TTC29: variants seen among roughly 807,000 people sequenced by gnomAD.
TTC29 encodes the protein tetratricopeptide repeat domain 29.
A neutral mutation model predicts 58.1 loss-of-function variants in TTC29; 49 were observed. The ratio of observed to expected loss-of-function variants is 0.84; its 90% CI spans 0.67 to 1.07. The LOEUF (loss-of-function observed/expected upper bound fraction) is 1.07, where lower values mean the gene tolerates loss of function less well. TTC29 is among the 50% of genes least tolerant of loss of function. TTC29 has a pLI of 0.00. For missense variants in TTC29, 582 were observed against 555.6 expected (o/e 1.05, Z -0.48); for synonymous variants, 209 against 196.8 (o/e 1.06, Z -0.52).
intron 8 of TTC29, among the ~76,000 whole-genome samples, chr4:146,860,062 G>A (rs754076685): frequency 3.9e-5 from 6 of 152,134 alleles, no homozygotes; most frequent in Non-Finnish European, 5.9e-5. Flanking sequence ...ATTAGTTTTC[G>A]GTTTGTCAGT....
chr4:146,749,445 G>C (rs1194932246), intron 11 of TTC29, among the ~76,000 whole-genome samples: 1 of 152,050 alleles, frequency 6.6e-6, no homozygotes, highest in African/African-American at 2.4e-5. Context: ...TAAAGTTGAA[G>C]ATAGGTCTTC....
At chr4:146,848,855 A>G (rs1729340942) in intron 8 of TTC29, among the ~76,000 whole-genome samples, 1 of 152,198 alleles carries the variant, frequency 6.6e-6, no homozygotes, top group Non-Finnish European at 1.5e-5. Flanking sequence ...GAAAGTTGGC[A>G]TCACATCAGT....
At chr4:146,721,455 T>G (rs947932825) in intron 11 of TTC29, among the ~76,000 whole-genome samples, 1 of 152,214 alleles carries the variant, frequency 6.6e-6, no homozygotes, top group African/African-American at 2.4e-5. Context: ...AACTTTTCTC[T>G]TTTGAAAACT....
chr4:146,882,242 C>T (rs1731677354), intron 6 of TTC29, among the ~76,000 whole-genome samples: 1 of 152,124 alleles, frequency 6.6e-6, no homozygotes, highest in South Asian at 2.1e-4. Context: ...TCTGACTGCT[C>T]TTGGCCAATA....
chr4:146,860,741 C>T (rs1561196863), intron 8 of TTC29, among the ~76,000 whole-genome samples: 2 of 152,126 alleles, frequency 1.3e-5, no homozygotes, highest in African/African-American at 4.8e-5. Context: ...TGACCACCAC[C>T]AACAAACCGT....
At chr4:146,820,571 C>G (rs1037998564) in intron 9 of TTC29, among the ~76,000 whole-genome samples, 1 of 151,856 alleles carries the variant, frequency 6.6e-6, no homozygotes, top group Non-Finnish European at 1.5e-5. Flanking sequence ...AAATATATAC[C>G]CAAGTGAAGC....
At chr4:146,940,952 T>C (rs751741013) in intron 2 of TTC29, among the ~76,000 whole-genome samples, 6 of 152,208 alleles carry the variant, frequency 3.9e-5, no homozygotes, top group South Asian at 2.1e-4. Flanking sequence ...AGTTTCATTA[T>C]AATAAAAGAA....
chr4:146,845,947 C>CTG (rs1729141848), intron 8 of TTC29, among the ~76,000 whole-genome samples: 1 of 152,066 alleles, frequency 6.6e-6, no homozygotes, highest in African/African-American at 2.4e-5. Context: ...GGATCCATAC[C>CTG]TGTTTTGCTC....
At chr4:146,921,571 G>A (rs1450471773) in intron 4 of TTC29, among the ~76,000 whole-genome samples, 1 of 150,776 alleles carries the variant, frequency 6.6e-6, no homozygotes, top group African/African-American at 2.4e-5. Flanking sequence ...AAAATTAAAG[G>A]AGCATAATAA....
At chr4:146,864,045 T>C (rs1023056251) in intron 8 of TTC29, among the ~76,000 whole-genome samples, 4 of 152,192 alleles carry the variant, frequency 2.6e-5, no homozygotes, top group African/African-American at 9.6e-5. Context: ...CCCAGCCTAG[T>C]TGGCACATAA....
At chr4:146,864,829 C>T (rs980381910) in intron 8 of TTC29, among the ~76,000 whole-genome samples, 2 of 152,042 alleles carry the variant, frequency 1.3e-5, no homozygotes, top group African/African-American at 4.8e-5. Flanking sequence ...TTAGAGCCCA[C>T]CTAGATAATC....
intron 5 of TTC29, among the ~76,000 whole-genome samples, chr4:146,906,732 C>T (rs942513007): frequency 6.6e-6 from 1 of 152,130 alleles, no homozygotes; most frequent in African/African-American, 2.4e-5. Flanking sequence ...TCCAGTAATA[C>T]TTTTGTAATA....
At chr4:146,732,293 G>C (rs1343112189) in intron 11 of TTC29, among the ~76,000 whole-genome samples, 1 of 152,108 alleles carries the variant, frequency 6.6e-6, no homozygotes, top group African/African-American at 2.4e-5. Context: ...TATGTAAAGA[G>C]TATGAAGACT....
chr4:146,786,939 C>A (rs1016689693), intron 11 of TTC29, among the ~76,000 whole-genome samples: 20 of 151,808 alleles, frequency 1.3e-4, no homozygotes, highest in Non-Finnish European at 1.8e-4. Context: ...ATAGTAAAAA[C>A]CCCACCTCTA....
At chr4:146,888,689 G>A (rs1732154407) in intron 6 of TTC29, among the ~76,000 whole-genome samples, 1 of 152,050 alleles carries the variant, frequency 6.6e-6, no homozygotes, top group Non-Finnish European at 1.5e-5. Context: ...GTTAATATTA[G>A]GCTCCTTCTC....
At chr4:146,716,370 C>T (rs1399499736) in intron 11 of TTC29, among the ~76,000 whole-genome samples, 3 of 152,018 alleles carry the variant, frequency 2.0e-5, no homozygotes, top group Non-Finnish European at 4.4e-5. Context: ...TATTCATGTT[C>T]TTTTCATATT....
Position 146,788,501 on chromosome 4 carries a change from G to A in TTC29, c.1330+14956C>T, listed in dbSNP as rs182018005. ...GCCTGATCTTACATGCATGTGATTCGTAATATAGCTACTGTCTAGGGTTTC... is the reference window on the plus strand; with the variant it reads ...GCCTGATCTTACATGCATGTGATTCATAATATAGCTACTGTCTAGGGTTTC... On this transcript the variant is annotated intron_variant, in intron 11 of 12. Coordinates refer to ENST00000325106, the MANE Select transcript of TTC29 (RefSeq NM_031956.4). 3.9e-5 allele frequency among the ~76,000 whole-genome samples: 6 copies of A among 152,206 alleles called. No individual in the cohort carries two copies. In the East Asian group the frequency reaches 5.8e-4, roughly 15 times the overall value.
chr4:146,764,369 T>G (rs12647139), intron 11 of TTC29, among the ~76,000 whole-genome samples: 48,788 of 151,744 alleles, frequency 0.32, 8,285 homozygotes, highest in East Asian at 0.45. Flanking sequence ...AGATGCAGCC[T>G]TAACCCCTCT....
At chr4:146,851,175 T>G (rs556842928) in intron 8 of TTC29, among the ~76,000 whole-genome samples, 1 of 152,234 alleles carries the variant, frequency 6.6e-6, no homozygotes, top group Non-Finnish European at 1.5e-5. Flanking sequence ...AAGTAGCATA[T>G]GCCAGACATA....
Sources: gnomAD v4.1 joint callset for allele counts (sites outside exome capture counted in the v4.1 genomes callset) on GRCh38, gnomAD v4.1.1 for gene constraint, MANE v1.5 for transcripts, NCBI Gene and HGNC (gene_info 2026-07-23, HGNC 2026-07-21) for gene names.